Variants in NOP9 observed in about 807,000 individuals in gnomAD.
NOP9 encodes nucleolar protein 9.
In NOP9, 50 loss-of-function variants were observed where a neutral mutation model predicts 63.0. The observed-to-expected ratio is 0.79, with a 90% CI of 0.63 to 1.00. NOP9 has a LOEUF of 1.00. Ranked by LOEUF, NOP9 falls within the 50% of genes least tolerant of loss-of-function variation. NOP9 has a pLI of 0.00. For synonymous variants in NOP9, 343 were observed against 332.8 expected (o/e 1.03, Z -0.33); for missense variants, 758 against 803.0 (o/e 0.94, Z 0.68).
chr14:24,305,037 A>T lies in NOP9; in HGVS notation c.1853A>T (p.Gln618Leu). 6.2e-7 allele frequency: 1 copy of T among 1,605,758 alleles called. No individual in the cohort carries two copies. Among genetic ancestry groups the T allele is most frequent in the Non-Finnish European group, 8.5e-7 (1 of 1,176,470 alleles). Residue 618 changes from glutamine to leucine, a missense_variant, in exon 10 of 10, where the codon CAG (glutamine) becomes CTG (leucine). Gln to Leu is a moderately radical substitution (Grantham distance 113). Transcript: ENST00000267425. The stretch of plus-strand genomic sequence containing the variant: ...CTAAAGCGGCGAGAGGCTTGGGAAC[A>T]GCAGCAGGGTGCGGTGGCCAAGCGG... The part of the protein sequence containing the change: ...TFLKRREAWE[Q>L]QQGAVAKRRR...
chr14:24,283,359 C>T, the NOP9 span, among the ~76,000 whole-genome samples: 4 of 151,322 alleles, frequency 2.6e-5, no homozygotes, highest in Admixed American at 6.6e-5. Context: ...GAGGCTGAGG[C>T]GGGCAGATCA....
chr14:24,294,103 A>G, the NOP9 span: 1 of 152,224 alleles, frequency 6.6e-6, no homozygotes, highest in Non-Finnish European at 1.5e-5. Context: ...ATATTTAAAT[A>G]TAAAAAACGA....
chr14:24,299,129 G>A, upstream of NOP9: 5 of 1,604,168 alleles, frequency 3.1e-6, no homozygotes, highest in East Asian at 2.2e-5. Context: ...AAGGAGGCAG[G>A]TCTGTGGAAG....
upstream of NOP9, chr14:24,299,831 G>C: frequency 2.4e-6 from 3 of 1,257,772 alleles, no homozygotes; most frequent in South Asian, 1.6e-5. Flanking sequence ...CTATGACGTA[G>C]TAGCTGCGTC....
In NOP9 at chr14:24,306,485, C is replaced by G. The variant is rs1245982643; in HGVS notation, c.*1390C>G. 1 of 1,614,234 alleles carries G rather than the reference C, an allele frequency of 6.2e-7. No homozygotes were observed. Among genetic ancestry groups the G allele is most frequent in the South Asian group, 1.1e-5 (1 of 91,086 alleles). ...CTGCAGTTCCATCCTCCTCTAGCAC[C>G]AGGGTTAGCACTCCATTCAGCAGTA... On this transcript the variant is annotated 3_prime_UTR_variant, in exon 10 of 10. Coordinates refer to ENST00000267425, the MANE Select transcript of NOP9 (RefSeq NM_174913.3).
Position 24,302,433 on chromosome 14 carries a change from GA to G in NOP9, c.1143+12del, listed in dbSNP as rs1162628300. Reference sequence around the variant, plus strand: ...TCACTACCCCTGAGCTGGTGAGTTGGAAACCTGAGCTGGATCTGTTTCTGCT... The same window carrying G: ...TCACTACCCCTGAGCTGGTGAGTTGGAACCTGAGCTGGATCTGTTTCTGCT... On this transcript the variant is annotated intron_variant, in intron 5 of 9. Transcript: ENST00000267425. The G allele has an allele frequency of 1.2e-6, 2 of 1,601,036 alleles. No individual in the cohort carries two copies. The highest frequency in any genetic ancestry group is 4.5e-5 in the East Asian group (2 of 44,540).
At chr14:24,300,992 A>ATTAGG in intron 2 of NOP9, 135 bp downstream of exon 2, 1 of 726,424 alleles carries the variant, frequency 1.4e-6, no homozygotes. Flanking sequence ...TCCTAATCTG[A>ATTAGG]ACAGGGCTTA....
chr14:24,299,836 T>C, upstream of NOP9: 7 of 1,298,938 alleles, frequency 5.4e-6, no homozygotes, highest in Non-Finnish European at 7.2e-6. Context: ...ACGTAGTAGC[T>C]GCGTCAGGAG....
Position 24,305,024 on chromosome 14 carries a change from G to A in NOP9, c.1840G>A (p.Glu614Lys), listed in dbSNP as rs766783010. Residue 614 changes from glutamate (E) to lysine (K), a missense_variant, in exon 10 of 10, where the codon GAG (glutamate) becomes AAG (lysine). Transcript: ENST00000267425. ...VALTTFLKRREAWEQQQGAVA... is the reference protein window; with the variant it reads ...VALTTFLKRRKAWEQQQGAVA... ...CTTGACTACCTTCCTAAAGCGGCGA[G>A]AGGCTTGGGAACAGCAGCAGGGTGC... is the stretch of plus-strand genomic sequence containing the variant. 15 of 1,607,128 alleles carry A rather than the reference G, an allele frequency of 9.3e-6. No homozygotes were observed. The East Asian group carries it at 3.4e-4, about 36-fold the overall frequency.
At chr14:24,290,851 C>A in the NOP9 span, 8 of 1,613,508 alleles carry the variant, frequency 5.0e-6, no homozygotes, top group Non-Finnish European at 6.8e-6. Context: ...AGTGTCAGAC[C>A]AGGAGGGTTA....
intron 2 of NOP9, 34 bp from the exon 3 acceptor site, chr14:24,301,578 C>G (rs368599863): frequency 3.0e-5 from 48 of 1,609,186 alleles, no homozygotes; most frequent in Non-Finnish European, 4.0e-5. Flanking sequence ...AGTTTGTGAT[C>G]TCCCCACTGC....
Position 24,300,058 on chromosome 14 carries a change from G to A in NOP9, c.104G>A (p.Arg35His). 1 of 1,612,170 alleles carries A rather than the reference G, an allele frequency of 6.2e-7. No homozygotes were observed. The highest frequency in any genetic ancestry group is 1.1e-5 in the South Asian group (1 of 91,056). The change falls in exon 1 of 10, where the codon CGT becomes CAT. Residue 35 changes from arginine to histidine, a missense_variant. Transcript: ENST00000267425. ...AKGSGRPLPG[R>H]KRQPWPPPDG... is the part of the protein sequence containing the mutation. ...GGGTCGGGGCGCCCCTTACCAGGCCGTAAGCGGCAACCCTGGCCGCCTCCG... is the reference window on the plus strand; with the variant it reads ...GGGTCGGGGCGCCCCTTACCAGGCCATAAGCGGCAACCCTGGCCGCCTCCG...
the NOP9 span, among the ~76,000 whole-genome samples, chr14:24,271,937 A>AC: frequency 6.6e-6 from 1 of 151,732 alleles, no homozygotes; most frequent in East Asian, 1.9e-4. Context: ...ATTTGACGCT[A>AC]CCCATTTCTT....
Position 24,307,208 on chromosome 14 carries a change from A to G in NOP9, c.*2113A>G. The G allele has an allele frequency of 1.4e-6, 1 of 690,188 alleles. No individual in the cohort carries two copies. The highest frequency in any genetic ancestry group is 2.4e-6 in the Non-Finnish European group (1 of 422,424). 42.8% of individuals were successfully genotyped at this position (690,188 alleles called of 1,614,324 possible). On this transcript the variant is annotated 3_prime_UTR_variant, in exon 10 of 10. Coordinates refer to ENST00000267425, the MANE Select transcript of NOP9 (RefSeq NM_174913.3). ...GAAAAGCTCACTCGGTGGAAAATGA[A>G]CAAATTGACCAGAGCTCATTAGGCC...
At chr14:24,292,725 A>C in the NOP9 span, 1 of 1,614,064 alleles carries the variant, frequency 6.2e-7, no homozygotes, top group African/African-American at 1.3e-5. Flanking sequence ...GACCACGATG[A>C]GCCCCTGGCC....
chr14:24,282,425 G>A, the NOP9 span, among the ~76,000 whole-genome samples: 84 of 152,252 alleles, frequency 5.5e-4, no homozygotes, highest in Middle Eastern at 3.4e-3. Flanking sequence ...GTGTTTGGGC[G>A]TTGCAGGTGC....
At chr14:24,292,752 C>G in the NOP9 span, 1 of 1,614,170 alleles carries the variant, frequency 6.2e-7, no homozygotes, top group Non-Finnish European at 8.5e-7. Context: ...TACCATCAGC[C>G]GTGCCCCATA....
the NOP9 span, chr14:24,290,625 C>T: frequency 2.0e-6 from 1 of 488,106 alleles, no homozygotes. Context: ...CTTTTATTAG[C>T]TCCAAGAGCA....
the NOP9 span, chr14:24,291,932 C>G: frequency 1.6e-6 from 1 of 607,380 alleles, no homozygotes; most frequent in East Asian, 2.8e-5. Flanking sequence ...GTCTTTGGAG[C>G]TAGACAGCCT....
Sources: gnomAD v4.1 joint callset for allele counts (sites outside exome capture counted in the v4.1 genomes callset) on GRCh38, gnomAD v4.1.1 for gene constraint, MANE v1.5 for transcripts, NCBI Gene and HGNC (gene_info 2026-07-23, HGNC 2026-07-21) for gene names.